The following TMEM207 variants were observed in gnomAD, a reference collection of about 807,000 sequenced individuals.
The protein encoded by TMEM207 is transmembrane protein 207, also known as SRSR846.
TMEM207 carries 15 observed loss-of-function variants against 17.4 expected under a neutral mutation model. That is an observed-to-expected ratio of 0.86 (90% CI 0.58 to 1.33). The LOEUF is 1.33. Among genes scored for constraint, TMEM207 ranks in the 40% most tolerant of loss-of-function variants. The probability of loss-of-function intolerance (pLI) is 0.00; values close to 1 mark genes in which losing one functional copy is unlikely to be tolerated. For synonymous variants in TMEM207, 70 were observed against 65.6 expected, an observed-to-expected ratio of 1.07 and a Z score of -0.33; for missense variants, 205 against 173.8, an observed-to-expected ratio of 1.18 and a Z score of -1.01.
At chr3:190,443,397 A>G (rs1560108564) in intron 2 of TMEM207, among the ~76,000 whole-genome samples, 1 of 150,644 alleles carries the variant, frequency 6.6e-6, no homozygotes, top group Admixed American at 6.6e-5. Context: ...AACCAACTTT[A>G]TTTCACTTTT....
At chr3:190,439,039 T>C (rs368215114) in intron 4 of TMEM207, among the ~76,000 whole-genome samples, 5,351 of 136,894 alleles carry the variant, frequency 0.039, 6 homozygotes, top group Non-Finnish European at 0.047. Context: ...TAGCCGGGCG[T>C]GGTGGCGGGC....
chr3:190,431,910 CATA>C, intron 4 of TMEM207, among the ~76,000 whole-genome samples: 1 of 152,128 alleles, frequency 6.6e-6, no homozygotes, highest in Non-Finnish European at 1.5e-5. Context: ...ATTTGGTAAA[CATA>C]ATTAAGCCAA....
chr3:190,444,539 G>A (rs1325544127), intron 2 of TMEM207: 1 of 798,290 alleles, frequency 1.3e-6, no homozygotes, highest in African/African-American at 1.9e-5. Flanking sequence ...AGCCTGGTGA[G>A]GATCAGACAG....
At chr3:190,438,991 C>A (rs1216175331) in intron 4 of TMEM207, among the ~76,000 whole-genome samples, 1 of 151,492 alleles carries the variant, frequency 6.6e-6, no homozygotes, top group African/African-American at 2.4e-5. Context: ...AGATCGAGAC[C>A]ACGGTGAAAC....
intron 4 of TMEM207, among the ~76,000 whole-genome samples, chr3:190,434,892 G>A (rs1442261593): frequency 6.6e-6 from 1 of 152,200 alleles, no homozygotes; most frequent in Non-Finnish European, 1.5e-5. Context: ...CTGGGACCAG[G>A]AAGAGGAAGT....
chr3:190,440,387 A>G lies in TMEM207; in HGVS notation c.161T>C (p.Ile54Thr), dbSNP rs749971346. 5 of 1,608,772 alleles carry G rather than the reference A, an allele frequency of 3.1e-6. No individual in the cohort carries two copies. Among genetic ancestry groups the G allele is most frequent in the African/African-American group, 1.3e-5 (1 of 74,368 alleles). Residue 54 changes from isoleucine to threonine, a missense_variant and splice_region_variant, in exon 4 of 5, where the codon ATC becomes ACC. By Grantham distance (89) the Ile-to-Thr change is moderately conservative. Coordinates refer to ENST00000354905, the MANE Select transcript of TMEM207 (RefSeq NM_207316.3). Reference protein sequence around the residue: ...DQHPNGWYIWILLLLVLVAAL... With the variant: ...DQHPNGWYIWTLLLLVLVAAL... ...TGCCACCAAAACCAGCAGCAGGAGG[A>G]TCCTGACTCCAAAAGTAACCGAGAA...
chr3:190,440,637 G>T (rs1364637135), intron 3 of TMEM207, among the ~76,000 whole-genome samples: 1 of 152,102 alleles, frequency 6.6e-6, no homozygotes, highest in African/African-American at 2.4e-5. Flanking sequence ...AAATTGGAGG[G>T]TTATTCTAAA....
At chr3:190,435,636 A>G (rs958080049) in intron 4 of TMEM207, among the ~76,000 whole-genome samples, 2 of 152,176 alleles carry the variant, frequency 1.3e-5, no homozygotes, top group Non-Finnish European at 2.9e-5. Context: ...ACAGAATCCA[A>G]AGACTTTCGA....
intron 4 of TMEM207, among the ~76,000 whole-genome samples, chr3:190,439,176 CA>C (rs772313119): frequency 0.18 from 10,512 of 58,340 alleles, 49 homozygotes; most frequent in South Asian, 0.21. Context: ...GACTCCGTCT[CA>C]AAAAAAAAAA....
chr3:190,439,137 A>T lies in TMEM207; in HGVS notation c.304+1107T>A, dbSNP rs1719872253. ...GCTTGCAGTGAGCGGAGATCGCGCCACGGCACTCCCGCCTGGGCGACAGAG... is the reference window on the plus strand; with the variant it reads ...GCTTGCAGTGAGCGGAGATCGCGCCTCGGCACTCCCGCCTGGGCGACAGAG... On this transcript the variant is annotated intron_variant, in intron 4 of 4. Transcript: ENST00000354905. Among the ~76,000 whole-genome samples, 5 of 141,004 alleles carry T rather than the reference A, an allele frequency of 3.5e-5. No individual in the cohort carries two copies. The South Asian group carries it at 1.2e-3, about 33-fold the overall frequency. The allele number at this position is 141,004 out of a possible 152,430, so 92.5% of individuals were successfully genotyped here.
intron 4 of TMEM207, among the ~76,000 whole-genome samples, chr3:190,433,798 G>A (rs991144350): frequency 6.6e-6 from 1 of 151,966 alleles, no homozygotes; most frequent in Non-Finnish European, 1.5e-5. Flanking sequence ...ACGGGGCCCG[G>A]TGGGAGTTGA....
At chr3:190,438,514 G>A (rs947035074) in intron 4 of TMEM207, among the ~76,000 whole-genome samples, 2 of 152,016 alleles carry the variant, frequency 1.3e-5, no homozygotes, top group Admixed American at 1.3e-4. Context: ...GTATAACCAT[G>A]GCACATAAGC....
At chr3:190,433,094 T>C (rs1469389254) in intron 4 of TMEM207, among the ~76,000 whole-genome samples, 1 of 152,222 alleles carries the variant, frequency 6.6e-6, no homozygotes, top group South Asian at 2.1e-4. Context: ...ATTAAAAACA[T>C]GGACAAACAA....
intron 4 of TMEM207, among the ~76,000 whole-genome samples, chr3:190,434,136 A>G (rs987899919): frequency 3.9e-5 from 6 of 152,174 alleles, no homozygotes; most frequent in Non-Finnish European, 5.9e-5. Flanking sequence ...AGAATGGACT[A>G]ACACAGGAAG....
At chr3:190,448,085 C>T (rs995419370) in intron 1 of TMEM207, among the ~76,000 whole-genome samples, 21 of 152,028 alleles carry the variant, frequency 1.4e-4, no homozygotes, top group South Asian at 4.1e-4. Flanking sequence ...ATGGATTTTA[C>T]GACAATTTTT....
intron 4 of TMEM207, among the ~76,000 whole-genome samples, chr3:190,432,399 A>G (rs1347617256): frequency 2.0e-5 from 3 of 152,230 alleles, no homozygotes; most frequent in Non-Finnish European, 4.4e-5. Flanking sequence ...TAGAGTGGTC[A>G]GAATGATAGT....
At chr3:190,444,557 G>T in intron 2 of TMEM207, 1 of 568,736 alleles carries the variant, frequency 1.8e-6, no homozygotes, top group Non-Finnish European at 2.2e-6. Flanking sequence ...CAGAGAATAG[G>T]CCAATAGTGA....
intron 3 of TMEM207, among the ~76,000 whole-genome samples, 191 bp downstream of exon 3, chr3:190,441,247 G>A (rs184342249): frequency 6.6e-6 from 1 of 152,228 alleles, no homozygotes; most frequent in East Asian, 1.9e-4. Flanking sequence ...TTAAAATAGT[G>A]AGTCCTTTTG....
At chr3:190,438,693 T>C (rs994448945) in intron 4 of TMEM207, among the ~76,000 whole-genome samples, 2 of 152,126 alleles carry the variant, frequency 1.3e-5, no homozygotes, top group Non-Finnish European at 2.9e-5. Flanking sequence ...TAAGTTCAGA[T>C]AAAAGAAGCA....
Sources: allele counts gnomAD v4.1 joint callset (sites outside exome capture counted in the v4.1 genomes callset), GRCh38; gene constraint gnomAD v4.1.1; transcripts MANE v1.5; gene names NCBI Gene and HGNC (gene_info 2026-07-23, HGNC 2026-07-21).